GNA12: variants seen among roughly 807,000 people sequenced by gnomAD.
The protein encoded by GNA12 is guanine nucleotide-binding protein subunit alpha-12.
In GNA12, 9 loss-of-function variants were observed where a neutral mutation model predicts 26.0. The ratio of observed to expected loss-of-function variants is 0.35; its 90% CI spans 0.21 to 0.60. The LOEUF (loss-of-function observed/expected upper bound fraction) is 0.60. Among genes scored for constraint, GNA12 ranks in the 20% least tolerant of loss-of-function variants. The probability of loss-of-function intolerance (pLI) is 0.78; values close to 1 mark genes in which losing one functional copy is unlikely to be tolerated. For synonymous variants in GNA12, 264 were observed against 219.6 expected (o/e 1.20, Z -1.79); for missense variants, 405 against 525.8 (o/e 0.77, Z 2.25).
intron 2 of GNA12, among the ~76,000 whole-genome samples, chr7:2,741,217 G>A (rs1000052206): frequency 6.6e-6 from 1 of 152,124 alleles, no homozygotes; most frequent in Non-Finnish European, 1.5e-5. Flanking sequence ...ACTAGGTGTG[G>A]CGGCACGCAC....
intron 1 of GNA12, among the ~76,000 whole-genome samples, chr7:2,840,191 G>A (rs968792197): frequency 6.6e-5 from 10 of 152,214 alleles, no homozygotes; most frequent in African/African-American, 2.2e-4. Context: ...AAAGCTGGCA[G>A]AGGGTATGTG....
intron 2 of GNA12, among the ~76,000 whole-genome samples, chr7:2,784,262 C>G (rs950945798): frequency 4.6e-5 from 7 of 152,134 alleles, no homozygotes; most frequent in Admixed American, 1.3e-4. Flanking sequence ...GAACTATAGT[C>G]ACATGCCACC....
At chr7:2,763,752 T>TC (rs968244671) in intron 2 of GNA12, among the ~76,000 whole-genome samples, 4 of 152,000 alleles carry the variant, frequency 2.6e-5, no homozygotes, top group Non-Finnish European at 5.9e-5. Flanking sequence ...ACAAAATGCC[T>TC]CCCCCACAGG....
At chr7:2,815,446 T>C (rs1467967728) in intron 1 of GNA12, among the ~76,000 whole-genome samples, 1 of 152,166 alleles carries the variant, frequency 6.6e-6, no homozygotes, top group African/African-American at 2.4e-5. Context: ...GAGAGATGAC[T>C]CAGCGCAGGT....
intron 1 of GNA12, among the ~76,000 whole-genome samples, chr7:2,819,296 A>G (rs1170230616): frequency 6.6e-6 from 1 of 152,202 alleles, no homozygotes; most frequent in East Asian, 1.9e-4. Flanking sequence ...GCATTCCCAG[A>G]GCCTCCAAAA....
chr7:2,743,731 T>G (rs1190960035), intron 2 of GNA12, among the ~76,000 whole-genome samples: 1 of 152,148 alleles, frequency 6.6e-6, no homozygotes, highest in Non-Finnish European at 1.5e-5. Context: ...AGGCACTGCC[T>G]CACTCGGGAA....
At chr7:2,736,503 C>A (rs1359896211) in intron 2 of GNA12, among the ~76,000 whole-genome samples, 1 of 152,160 alleles carries the variant, frequency 6.6e-6, no homozygotes, top group African/African-American at 2.4e-5. Context: ...AAGGGATGAA[C>A]CTGAGCAGGG....
chr7:2,746,747 A>T (rs1034121232), intron 2 of GNA12, among the ~76,000 whole-genome samples: 2 of 152,212 alleles, frequency 1.3e-5, no homozygotes, highest in African/African-American at 4.8e-5. Flanking sequence ...TTTTGAAAAG[A>T]TCAACAAAAC....
At chr7:2,826,112 C>T (rs1251301254) in intron 1 of GNA12, among the ~76,000 whole-genome samples, 1 of 152,022 alleles carries the variant, frequency 6.6e-6, no homozygotes. Flanking sequence ...GGGGCGGTGG[C>T]TCACACCTGT....
chr7:2,758,490 C>A (rs1454201607), intron 2 of GNA12, among the ~76,000 whole-genome samples: 1 of 152,156 alleles, frequency 6.6e-6, no homozygotes, highest in South Asian at 2.1e-4. Context: ...GCAATTTCTT[C>A]CCCTGCAGCG....
At chr7:2,744,611 C>T (rs1419440897) in intron 2 of GNA12, among the ~76,000 whole-genome samples, 2 of 152,170 alleles carry the variant, frequency 1.3e-5, no homozygotes, top group South Asian at 2.1e-4. Context: ...AATCAGAGCA[C>T]CTCTCCTCCT....
chr7:2,732,465 G>C (rs2115283926), intron 3 of GNA12, among the ~76,000 whole-genome samples: 1 of 152,276 alleles, frequency 6.6e-6, no homozygotes, highest in East Asian at 1.9e-4. Context: ...AGGATCATTT[G>C]AACCTAGGAG....
chr7:2,840,285 A>G (rs530083926), intron 1 of GNA12, among the ~76,000 whole-genome samples: 11 of 152,224 alleles, frequency 7.2e-5, no homozygotes, highest in Non-Finnish European at 1.5e-4. Context: ...AGGCATGTTT[A>G]GTTCCTAGCT....
intron 2 of GNA12, among the ~76,000 whole-genome samples, chr7:2,784,642 G>A (rs766175944): frequency 6.6e-6 from 1 of 152,126 alleles, no homozygotes; most frequent in Non-Finnish European, 1.5e-5. Flanking sequence ...ATTTCACCAT[G>A]ACTTTAATTT....
At chr7:2,789,580 C>T (rs1057035455) in intron 2 of GNA12, among the ~76,000 whole-genome samples, 10 of 152,348 alleles carry the variant, frequency 6.6e-5, no homozygotes, top group African/African-American at 2.4e-4. Flanking sequence ...CCGCAGAGAA[C>T]GCTGTGACCT....
rs535263540 is a variant in GNA12, at chr7:2,822,844, T to C, written c.309+21009A>G. Among the ~76,000 whole-genome samples, 4 of 152,210 alleles carry C rather than the reference T, an allele frequency of 2.6e-5. No individual in the cohort carries two copies. The South Asian group carries it at 8.3e-4, about 32-fold the overall frequency. ...AAAGAAAGATTTAAAGACAATGACT[T>C]GGAAAGGAGTTGAAGGAGATAAACA... On this transcript the variant is annotated intron_variant, in intron 1 of 3. Transcript: ENST00000275364.
chr7:2,756,219 T>C (rs1214436177), intron 2 of GNA12, among the ~76,000 whole-genome samples: 1 of 152,072 alleles, frequency 6.6e-6, no homozygotes, highest in East Asian at 1.9e-4. Context: ...TTTCAACAAA[T>C]GGTGCTGGAA....
chr7:2,832,602 C>T (rs1475758730), intron 1 of GNA12, among the ~76,000 whole-genome samples: 1 of 152,186 alleles, frequency 6.6e-6, no homozygotes, highest in East Asian at 1.9e-4. Flanking sequence ...ATTACCCATG[C>T]CTGGCACACT....
At chr7:2,784,243 G>A (rs994204195) in intron 2 of GNA12, among the ~76,000 whole-genome samples, 1 of 152,100 alleles carries the variant, frequency 6.6e-6, no homozygotes, top group African/African-American at 2.4e-5. Flanking sequence ...TCGGCTTCCC[G>A]AGTAGTTGGA....
Sources: allele counts gnomAD v4.1 joint callset (sites outside exome capture counted in the v4.1 genomes callset), GRCh38; gene constraint gnomAD v4.1.1; transcripts MANE v1.5; gene names NCBI Gene and HGNC (gene_info 2026-07-23, HGNC 2026-07-21).